The following CNTN5 variants were observed in gnomAD, a reference collection of about 807,000 sequenced individuals.
The protein encoded by CNTN5 is contactin 5.
A neutral mutation model predicts 129.1 loss-of-function variants in CNTN5; 77 were observed. The ratio of observed to expected loss-of-function variants is 0.60; its 90% CI spans 0.50 to 0.72. The LOEUF (loss-of-function observed/expected upper bound fraction) is 0.72, where lower values mean the gene tolerates loss of function less well. Ranked by LOEUF, CNTN5 falls within the 30% of genes least tolerant of loss-of-function variation. The pLI is 0.00. For synonymous variants in CNTN5, 509 were observed against 465.6 expected (o/e 1.09, Z -1.20); for missense variants, 1,478 against 1,328.8 (o/e 1.11, Z -1.75).
At chr11:99,956,743 T>G (rs1950812212) in intron 7 of CNTN5, 63 bp from the exon 8 acceptor site, 7 of 1,234,606 alleles carry the variant, frequency 5.7e-6, no homozygotes, top group South Asian at 5.0e-5. Context: ...CTTTGTTGTT[T>G]GAGCTTTGTC....
intron 1 of CNTN5, among the ~76,000 whole-genome samples, chr11:99,070,226 CGA>C (rs1259340359): frequency 6.6e-6 from 1 of 152,116 alleles, no homozygotes; most frequent in African/African-American, 2.4e-5. Flanking sequence ...TACTGAGTGA[CGA>C]GAGAAGATCA....
intron 1 of CNTN5, among the ~76,000 whole-genome samples, chr11:99,153,305 A>G (rs779461292): frequency 6.6e-6 from 1 of 152,028 alleles, no homozygotes; most frequent in South Asian, 2.1e-4. Context: ...ATTATCCCAT[A>G]TTTCTTAAAG....
At chr11:99,061,055 TTAAG>T (rs1269464857) in intron 1 of CNTN5, among the ~76,000 whole-genome samples, 2 of 152,178 alleles carry the variant, frequency 1.3e-5, no homozygotes, top group Non-Finnish European at 2.9e-5. Context: ...TTTTTTTTCT[TTAAG>T]TAGCATTGTG....
rs577222489 is a variant in CNTN5 at position 99,259,756 on chromosome 11, T to C, written c.-209-65590T>C. Among the ~76,000 whole-genome samples the C allele has an allele frequency of 4.6e-5, 7 of 151,992 alleles. No homozygotes were observed. In the East Asian group the frequency reaches 9.7e-4, roughly 21 times the overall value. On this transcript the variant is annotated intron_variant, in intron 1 of 24. Transcript: ENST00000524871. ...AATAATTTCACATTTCTAGGAGTATTGAATAAGAGTACCTTTTGCTCTGCA... is the reference window on the plus strand; with the variant it reads ...AATAATTTCACATTTCTAGGAGTATCGAATAAGAGTACCTTTTGCTCTGCA...
intron 6 of CNTN5, among the ~76,000 whole-genome samples, chr11:99,898,518 T>G (rs2135939744): frequency 6.6e-6 from 1 of 152,188 alleles, no homozygotes; most frequent in South Asian, 2.1e-4. Flanking sequence ...ATTCATTCAC[T>G]CAATCACTGC....
At chr11:100,000,021 C>G (rs7946267) in intron 8 of CNTN5, among the ~76,000 whole-genome samples, 101,133 of 143,908 alleles carry the variant, frequency 0.7, 36,108 homozygotes, top group African/African-American at 0.81. Context: ...GTGTGGGGAG[C>G]GGGGAGGGAT....
intron 9 of CNTN5, among the ~76,000 whole-genome samples, chr11:100,045,715 A>T (rs2137706970): frequency 7.4e-6 from 1 of 134,556 alleles, no homozygotes; most frequent in Non-Finnish European, 1.6e-5. Flanking sequence ...ATGTACATTT[A>T]TTATTAAAAA....
At chr11:99,801,235 C>T (rs1946105108) in intron 3 of CNTN5, among the ~76,000 whole-genome samples, 1 of 152,092 alleles carries the variant, frequency 6.6e-6, no homozygotes, top group Non-Finnish European at 1.5e-5. Context: ...AATTTTTATT[C>T]TTTAAGAATG....
At chr11:99,769,540 A>T (rs1193836117) in intron 3 of CNTN5, among the ~76,000 whole-genome samples, 1 of 152,098 alleles carries the variant, frequency 6.6e-6, no homozygotes, top group East Asian at 1.9e-4. Context: ...ATATGTACTT[A>T]TTTGATTTGC....
At chr11:99,884,163 A>G (rs190414349) in intron 6 of CNTN5, among the ~76,000 whole-genome samples, 8 of 152,324 alleles carry the variant, frequency 5.3e-5, no homozygotes, top group Admixed American at 4.6e-4. Flanking sequence ...AGACCTCAGA[A>G]ATTCTAAAAG....
intron 2 of CNTN5, among the ~76,000 whole-genome samples, chr11:99,535,298 C>T (rs1214735841): frequency 6.6e-6 from 1 of 152,058 alleles, no homozygotes; most frequent in Non-Finnish European, 1.5e-5. Context: ...TGGACTAATA[C>T]ATGGAAAATT....
intron 2 of CNTN5, among the ~76,000 whole-genome samples, chr11:99,531,437 C>T (rs996368655): frequency 6.6e-6 from 1 of 152,172 alleles, no homozygotes; most frequent in African/African-American, 2.4e-5. Flanking sequence ...AATAAAAACC[C>T]ATTTTCTGGG....
At chr11:99,622,746 G>T (rs915614140) in intron 3 of CNTN5, among the ~76,000 whole-genome samples, 2 of 151,854 alleles carry the variant, frequency 1.3e-5, no homozygotes, top group Non-Finnish European at 2.9e-5. Context: ...GAAAAGGCCC[G>T]TTCCCTGGAA....
intron 1 of CNTN5, among the ~76,000 whole-genome samples, chr11:99,074,574 G>A (rs1436399555): frequency 6.6e-6 from 1 of 152,040 alleles, no homozygotes; most frequent in Non-Finnish European, 1.5e-5. Context: ...AAACTCCTTG[G>A]CTCAAGTAAA....
intron 3 of CNTN5, among the ~76,000 whole-genome samples, chr11:99,595,759 C>CATAT (rs34266877): frequency 0.037 from 5,542 of 149,374 alleles, 197 homozygotes; most frequent in African/African-American, 0.09. Flanking sequence ...CTCCTTCTGC[C>CATAT]ATATATATAT....
At chr11:100,337,469 C>T in intron 21 of CNTN5, 1 of 746,002 alleles carries the variant, frequency 1.3e-6, no homozygotes, top group East Asian at 2.6e-5. Flanking sequence ...TTAAGTCTTA[C>T]CCAAGACCTG....
chr11:100,128,703 G>C (rs1445339395), intron 13 of CNTN5, among the ~76,000 whole-genome samples: 1 of 151,964 alleles, frequency 6.6e-6, no homozygotes, highest in Non-Finnish European at 1.5e-5. Context: ...CTAGAGGCTT[G>C]AATGGGCGAG....
chr11:99,609,849 C>T (rs1361127319), intron 3 of CNTN5, among the ~76,000 whole-genome samples: 1 of 151,988 alleles, frequency 6.6e-6, no homozygotes, highest in Non-Finnish European at 1.5e-5. Context: ...TTGCAAGGTC[C>T]TTAGTTTTAC....
At chr11:100,184,002 C>T (rs1432672406) in intron 13 of CNTN5, among the ~76,000 whole-genome samples, 1 of 152,094 alleles carries the variant, frequency 6.6e-6, no homozygotes, top group African/African-American at 2.4e-5. Flanking sequence ...AAATGCAAGT[C>T]CCCCTGCTTT....
Sources: allele counts gnomAD v4.1 joint callset (sites outside exome capture counted in the v4.1 genomes callset), GRCh38; gene constraint gnomAD v4.1.1; transcripts MANE v1.5; gene names NCBI Gene and HGNC (gene_info 2026-07-23, HGNC 2026-07-21).